ATP8A2: variants seen among roughly 807,000 people sequenced by gnomAD.
ATP8A2 encodes the protein ATPase phospholipid transporting 8A2.
ATP8A2 carries 100 observed loss-of-function variants against 165.6 expected under a neutral mutation model. The ratio of observed to expected loss-of-function variants is 0.60; its 90% CI spans 0.51 to 0.71. ATP8A2 has a LOEUF of 0.71. ATP8A2 is among the 30% of genes least tolerant of loss of function. ATP8A2 has a pLI of 0.00. For synonymous variants in ATP8A2, 543 were observed against 548.8 expected (o/e 0.99, Z 0.15); for missense variants, 1,227 against 1,479.5 (o/e 0.83, Z 2.80).
At chr13:25,626,633 G>C (rs1260873963) in intron 24 of ATP8A2, among the ~76,000 whole-genome samples, 4 of 152,160 alleles carry the variant, frequency 2.6e-5, no homozygotes, top group African/African-American at 4.8e-5. Flanking sequence ...TAAGTACATT[G>C]AAAGATAAGT....
chr13:25,766,825 A>G (rs939077154), intron 25 of ATP8A2, among the ~76,000 whole-genome samples: 1 of 152,160 alleles, frequency 6.6e-6, no homozygotes, highest in African/African-American at 2.4e-5. Flanking sequence ...TGTTTTTCCA[A>G]CAGTTAAGAT....
intron 27 of ATP8A2, among the ~76,000 whole-genome samples, chr13:25,781,918 C>T (rs948432471): frequency 6.6e-6 from 1 of 152,200 alleles, no homozygotes; most frequent in Non-Finnish European, 1.5e-5. Context: ...TGCACTTGGT[C>T]AACCCTATTA....
chr13:25,818,237 A>G (rs1174176693), intron 27 of ATP8A2, among the ~76,000 whole-genome samples: 5 of 152,188 alleles, frequency 3.3e-5, no homozygotes, highest in Non-Finnish European at 1.5e-5. Flanking sequence ...CTTATACCCT[A>G]ATCTTAAAAG....
At chr13:25,615,937 CTG>C (rs1273528994) in intron 24 of ATP8A2, among the ~76,000 whole-genome samples, 2 of 152,230 alleles carry the variant, frequency 1.3e-5, no homozygotes, top group East Asian at 3.9e-4. Context: ...TTCCAAGGGT[CTG>C]TGGATTCTCT....
intron 1 of ATP8A2, among the ~76,000 whole-genome samples, chr13:25,408,069 T>TA (rs2033857831): frequency 1.0e-5 from 1 of 98,280 alleles, no homozygotes; most frequent in African/African-American, 3.5e-5. Flanking sequence ...TCCTGGAACT[T>TA]AAAGTAAAAA....
At chr13:25,614,220 A>AT (rs1267052878) in intron 24 of ATP8A2, among the ~76,000 whole-genome samples, 4 of 151,816 alleles carry the variant, frequency 2.6e-5, no homozygotes, top group Non-Finnish European at 5.9e-5. Flanking sequence ...GGCTTTGTTC[A>AT]TTTTTTTGTA....
intron 25 of ATP8A2, among the ~76,000 whole-genome samples, chr13:25,731,115 A>G (rs1246812750): frequency 3.3e-5 from 4 of 122,306 alleles, no homozygotes; most frequent in Non-Finnish European, 5.2e-5. Flanking sequence ...AGAGAGGGAA[A>G]GGGAAAAGAA....
chr13:25,972,055 T>G (rs961228557), intron 35 of ATP8A2, among the ~76,000 whole-genome samples: 2 of 152,174 alleles, frequency 1.3e-5, no homozygotes, highest in African/African-American at 2.4e-5. Flanking sequence ...TAGCAGTTTT[T>G]CTTAGGAATG....
chr13:25,885,081 G>A (rs1317392517), intron 33 of ATP8A2, among the ~76,000 whole-genome samples: 4 of 148,156 alleles, frequency 2.7e-5, no homozygotes, highest in African/African-American at 9.8e-5. Flanking sequence ...TCCAGCCTGA[G>A]AGTCAGTCTC....
At chr13:25,745,580 AT>A (rs563135734) in intron 25 of ATP8A2, among the ~76,000 whole-genome samples, 147 of 152,290 alleles carry the variant, frequency 9.7e-4, no homozygotes, top group African/African-American at 3.3e-3. Flanking sequence ...TGGACTATGT[AT>A]CCACTCTATG....
At chr13:25,598,279 A>G (rs2040290416) in intron 24 of ATP8A2, among the ~76,000 whole-genome samples, 1 of 152,148 alleles carries the variant, frequency 6.6e-6, no homozygotes, top group Admixed American at 6.5e-5. Context: ...ACTTTATAAC[A>G]AGTCTTGAGA....
chr13:25,396,938 G>A (rs1418192981), intron 1 of ATP8A2, among the ~76,000 whole-genome samples: 2 of 152,210 alleles, frequency 1.3e-5, no homozygotes, highest in African/African-American at 4.8e-5. Context: ...GCAAGAGATG[G>A]TAGAAGCCTG....
chr13:25,891,851 T>TA (rs1219675878), intron 33 of ATP8A2, among the ~76,000 whole-genome samples: 2 of 152,252 alleles, frequency 1.3e-5, no homozygotes, highest in Admixed American at 6.5e-5. Flanking sequence ...TGACACAATT[T>TA]AAAAAAATAT....
intron 36 of ATP8A2, among the ~76,000 whole-genome samples, chr13:26,012,873 C>T (rs892591863): frequency 2.0e-5 from 3 of 152,142 alleles, no homozygotes; most frequent in African/African-American, 7.2e-5. Flanking sequence ...ATGATCCTTC[C>T]GTCAGCCTCC....
intron 30 of ATP8A2, among the ~76,000 whole-genome samples, chr13:25,857,834 G>C (rs978189904): frequency 4.6e-5 from 7 of 152,056 alleles, no homozygotes; most frequent in Non-Finnish European, 1.0e-4. Flanking sequence ...GCCTTCCAAA[G>C]TGCTGGGATT....
At chr13:25,416,607 T>C (rs1490205780) in intron 1 of ATP8A2, among the ~76,000 whole-genome samples, 1 of 152,152 alleles carries the variant, frequency 6.6e-6, no homozygotes, top group Non-Finnish European at 1.5e-5. Context: ...CATATTTATC[T>C]CCTTTACACA....
chr13:25,412,552 C>T (rs898899008), intron 1 of ATP8A2, among the ~76,000 whole-genome samples: 3 of 152,346 alleles, frequency 2.0e-5, no homozygotes, highest in African/African-American at 7.2e-5. Flanking sequence ...CACAGAACCA[C>T]TGGCCAGGTG....
intron 2 of ATP8A2, among the ~76,000 whole-genome samples, chr13:25,488,501 G>A (rs1172812561): frequency 6.6e-6 from 1 of 152,184 alleles, no homozygotes; most frequent in Non-Finnish European, 1.5e-5. Context: ...AGCACTTTGG[G>A]AGGCTGAGGT....
chr13:25,635,442 T>C (rs889210405), intron 24 of ATP8A2, among the ~76,000 whole-genome samples: 3 of 152,206 alleles, frequency 2.0e-5, no homozygotes, highest in Non-Finnish European at 2.9e-5. Flanking sequence ...AGATCGAGGA[T>C]GTGACGTCTC....
Sources: allele counts gnomAD v4.1 joint callset (sites outside exome capture counted in the v4.1 genomes callset), GRCh38; gene constraint gnomAD v4.1.1; transcripts MANE v1.5; gene names NCBI Gene and HGNC (gene_info 2026-07-23, HGNC 2026-07-21).